ARHGAP22: variants seen among roughly 807,000 people sequenced by gnomAD.
The protein encoded by ARHGAP22 is Rho GTPase activating protein 22, also known as rho GTPase-activating protein 22.
A neutral mutation model predicts 59.1 loss-of-function variants in ARHGAP22; 48 were observed. That is an observed-to-expected ratio of 0.81 (90% CI 0.64 to 1.03). The LOEUF is 1.03. Ranked by LOEUF, ARHGAP22 falls within the 50% of genes least tolerant of loss-of-function variation. The pLI is 0.00. For synonymous variants in ARHGAP22, 445 were observed against 416.4 expected, an observed-to-expected ratio of 1.07 and a Z score of -0.84; for missense variants, 1,015 against 958.7, an observed-to-expected ratio of 1.06 and a Z score of -0.78.
At chr10:48,447,567 G>C (rs1220031213) in intron 9 of ARHGAP22, among the ~76,000 whole-genome samples, 1 of 152,152 alleles carries the variant, frequency 6.6e-6, no homozygotes, top group Non-Finnish European at 1.5e-5. Flanking sequence ...AGCATGGCCT[G>C]AGCCCTCCCT....
chr10:48,624,779 T>C (rs551994025), intron 1 of ARHGAP22: 1 of 152,290 alleles, frequency 6.6e-6, no homozygotes, highest in East Asian at 1.9e-4. Context: ...GGAGATCAGC[T>C]CAGTAAGAGT....
rs139680620 is a variant in ARHGAP22 at position 48,529,119 on chromosome 10, A to G, written c.322+26344T>C. Among the ~76,000 whole-genome samples the G allele has an allele frequency of 6.5e-3, 987 of 152,316 alleles. 3 individuals are homozygous for G. The highest frequency in any genetic ancestry group is 0.011 in the Non-Finnish European group (744 of 68,040). On this transcript the variant is annotated intron_variant, in intron 3 of 9. Transcript: ENST00000249601. Reference sequence around the variant, plus strand: ...AGTCACAACATGGCATTTAGGGTAGAAGACATGATGCAGCCTGTGATTCTG... The same window carrying G: ...AGTCACAACATGGCATTTAGGGTAGGAGACATGATGCAGCCTGTGATTCTG...
At chr10:48,635,846 C>G (rs896381739) in intron 1 of ARHGAP22, among the ~76,000 whole-genome samples, 82 of 152,322 alleles carry the variant, frequency 5.4e-4, no homozygotes, top group African/African-American at 1.9e-3. Context: ...TACTTCCTGG[C>G]TGGGGAAGCA....
At chr10:48,557,098 A>G (rs1262942762) in intron 2 of ARHGAP22, among the ~76,000 whole-genome samples, 1 of 152,238 alleles carries the variant, frequency 6.6e-6, no homozygotes, top group Non-Finnish European at 1.5e-5. Context: ...CCAGAGAACC[A>G]GCTGGTAATC....
chr10:48,567,999 G>A (rs10458722), intron 2 of ARHGAP22, among the ~76,000 whole-genome samples: 58,779 of 152,004 alleles, frequency 0.39, 12,802 homozygotes, highest in East Asian at 0.89. Context: ...ATTAAACATC[G>A]TATTTCCATG....
chr10:48,470,783 G>T lies in ARHGAP22; in HGVS notation c.451+8853C>A, dbSNP rs1287992239. On this transcript the variant is annotated intron_variant, in intron 4 of 9. Coordinates refer to ENST00000249601, the MANE Select transcript of ARHGAP22 (RefSeq NM_021226.4). ...TGGAAAAGCCCAGGCCCACTGGCCA[G>T]GCAGGTTGACATTCACAGGAACTAG... Among the ~76,000 whole-genome samples the T allele has an allele frequency of 3.9e-5, 6 of 152,222 alleles. No homozygotes were observed. In the South Asian group the frequency reaches 1.2e-3, roughly 32 times the overall value.
chr10:48,465,667 C>T (rs143561945), intron 4 of ARHGAP22, among the ~76,000 whole-genome samples: 3 of 152,350 alleles, frequency 2.0e-5, no homozygotes, highest in Admixed American at 6.5e-5. Flanking sequence ...TGCAGCTGCG[C>T]AGCAGGTCTG....
chr10:48,517,806 C>T (rs1025853906), intron 3 of ARHGAP22, among the ~76,000 whole-genome samples: 13 of 152,194 alleles, frequency 8.5e-5, no homozygotes, highest in African/African-American at 2.9e-4. Context: ...CTCAGAGAAT[C>T]ATCAAAGTTC....
chr10:48,521,729 T>G (rs2053825990), intron 3 of ARHGAP22, among the ~76,000 whole-genome samples: 1 of 152,226 alleles, frequency 6.6e-6, no homozygotes, highest in Non-Finnish European at 1.5e-5. Context: ...GTTACTGCTA[T>G]TACAACCGAA....
At chr10:48,596,292 G>T (rs1489623240) in intron 1 of ARHGAP22, among the ~76,000 whole-genome samples, 2 of 152,144 alleles carry the variant, frequency 1.3e-5, no homozygotes, top group Non-Finnish European at 2.9e-5. Context: ...ACCTGTGAGA[G>T]CCACTGCATA....
At chr10:48,643,753 A>T (rs1009766605) in intron 1 of ARHGAP22, among the ~76,000 whole-genome samples, 6 of 99,166 alleles carry the variant, frequency 6.1e-5, no homozygotes, top group Admixed American at 2.6e-4. Context: ...AAGTATAATT[A>T]AAAAAAAAAA....
intron 9 of ARHGAP22, among the ~76,000 whole-genome samples, chr10:48,450,011 G>A (rs775835858): frequency 2.0e-5 from 3 of 152,250 alleles, no homozygotes; most frequent in Non-Finnish European, 2.9e-5. Flanking sequence ...GGCTGGGCAG[G>A]CATTCCCACT....
chr10:48,535,979 T>C (rs964438785), intron 3 of ARHGAP22, among the ~76,000 whole-genome samples: 4 of 152,200 alleles, frequency 2.6e-5, no homozygotes, highest in African/African-American at 9.6e-5. Flanking sequence ...GCATGGGCGC[T>C]TGCTGTGGCC....
intron 1 of ARHGAP22, among the ~76,000 whole-genome samples, chr10:48,649,442 T>G (rs902657257): frequency 4.6e-5 from 7 of 152,180 alleles, no homozygotes; most frequent in African/African-American, 1.4e-4. Context: ...TTTGGGGACT[T>G]GAAGGAGTGG....
intron 1 of ARHGAP22, among the ~76,000 whole-genome samples, chr10:48,591,538 TA>T (rs1298149183): frequency 6.6e-6 from 1 of 152,180 alleles, no homozygotes; most frequent in Non-Finnish European, 1.5e-5. Flanking sequence ...ACTACAGCCA[TA>T]AGATACCGCA....
chr10:48,634,798 A>C (rs1232380576), intron 1 of ARHGAP22, among the ~76,000 whole-genome samples: 2 of 152,078 alleles, frequency 1.3e-5, no homozygotes, highest in Non-Finnish European at 2.9e-5. Context: ...AGGGCCTTTA[A>C]ATATCAAAGT....
chr10:48,485,050 A>G (rs1564744887), intron 3 of ARHGAP22, among the ~76,000 whole-genome samples: 2 of 152,258 alleles, frequency 1.3e-5, no homozygotes, highest in African/African-American at 4.8e-5. Flanking sequence ...AAATGCAGCC[A>G]AAGACAATAT....
At chr10:48,564,073 T>C (rs1336378388) in intron 2 of ARHGAP22, among the ~76,000 whole-genome samples, 1 of 152,204 alleles carries the variant, frequency 6.6e-6, no homozygotes, top group Non-Finnish European at 1.5e-5. Context: ...CTCATACACT[T>C]TTGATACATA....
chr10:48,434,130 A>G, the ARHGAP22 span, among the ~76,000 whole-genome samples: 1 of 152,210 alleles, frequency 6.6e-6, no homozygotes, highest in Non-Finnish European at 1.5e-5. Flanking sequence ...TTTAAAATCC[A>G]GGAAATGCTT....
Sources: allele counts gnomAD v4.1 joint callset (sites outside exome capture counted in the v4.1 genomes callset), GRCh38; gene constraint gnomAD v4.1.1; transcripts MANE v1.5; gene names NCBI Gene and HGNC (gene_info 2026-07-23, HGNC 2026-07-21).